ERC2: variants seen among roughly 807,000 people sequenced by gnomAD.
The protein encoded by ERC2 is ELKS/RAB6-interacting/CAST family member 2, also known as ERC protein 2.
A neutral mutation model predicts 114.8 loss-of-function variants in ERC2; 42 were observed. The observed-to-expected ratio is 0.37, with a 90% CI of 0.29 to 0.47. ERC2 has a LOEUF of 0.47. Among genes scored for constraint, ERC2 ranks in the 20% least tolerant of loss-of-function variants. The pLI is 0.99. For synonymous variants in ERC2, 454 were observed against 425.5 expected (o/e 1.07, Z -0.82); for missense variants, 939 against 1,150.7 (o/e 0.82, Z 2.66).
At chr3:55,969,571 A>C (rs1372982071) in intron 12 of ERC2, among the ~76,000 whole-genome samples, 1 of 152,220 alleles carries the variant, frequency 6.6e-6, no homozygotes, top group East Asian at 1.9e-4. Context: ...TTCCCTAAGC[A>C]GCCAGTTGAC....
chr3:56,129,624 T>C (rs1300059851), intron 6 of ERC2, among the ~76,000 whole-genome samples: 1 of 152,182 alleles, frequency 6.6e-6, no homozygotes, highest in Non-Finnish European at 1.5e-5. Context: ...CATTTACCAG[T>C]AAGTAACACT....
intron 3 of ERC2, among the ~76,000 whole-genome samples, chr3:56,223,888 T>G (rs553595129): frequency 9.9e-5 from 15 of 152,266 alleles, no homozygotes; most frequent in Non-Finnish European, 1.8e-4. Context: ...TTCTACATGT[T>G]AATTCAATCA....
intron 6 of ERC2, among the ~76,000 whole-genome samples, chr3:56,135,904 T>C (rs757732926): frequency 3.7e-4 from 56 of 152,212 alleles, no homozygotes; most frequent in Non-Finnish European, 5.4e-4. Context: ...ATGGGGTAAG[T>C]TGGTACAAAG....
intron 1 of ERC2, among the ~76,000 whole-genome samples, chr3:56,454,015 C>T (rs1422707031): frequency 6.6e-6 from 1 of 152,166 alleles, no homozygotes; most frequent in Non-Finnish European, 1.5e-5. Context: ...CATGCACCCA[C>T]CTCCTGCTAT....
At chr3:55,594,467 G>C (rs575592812) in intron 17 of ERC2, among the ~76,000 whole-genome samples, 1 of 14,410 alleles carries the variant, frequency 6.9e-5, no homozygotes, top group Non-Finnish European at 2.6e-3. Context: ...TATAGAGCAG[G>C]TAGTTTTATT....
At chr3:56,183,701 G>A (rs1223591701) in intron 3 of ERC2, among the ~76,000 whole-genome samples, 2 of 152,030 alleles carry the variant, frequency 1.3e-5, no homozygotes, top group Non-Finnish European at 2.9e-5. Flanking sequence ...CTGCCTTCAC[G>A]GAGCTTATGT....
chr3:56,270,362 A>G (rs1260306601), intron 3 of ERC2, among the ~76,000 whole-genome samples: 1 of 152,204 alleles, frequency 6.6e-6, no homozygotes, highest in African/African-American at 2.4e-5. Context: ...AAGCACATTT[A>G]TTGCCATTTT....
chr3:56,198,036 C>G (rs1231807469), intron 3 of ERC2, among the ~76,000 whole-genome samples: 1 of 152,154 alleles, frequency 6.6e-6, no homozygotes, highest in Non-Finnish European at 1.5e-5. Flanking sequence ...TTCACACACA[C>G]ACATGTTGCA....
chr3:55,729,363 T>G (rs1480255290), intron 15 of ERC2, among the ~76,000 whole-genome samples: 1 of 152,174 alleles, frequency 6.6e-6, no homozygotes, highest in Non-Finnish European at 1.5e-5. Flanking sequence ...CTTCAAGTCC[T>G]TGCTCCAATG....
intron 13 of ERC2, among the ~76,000 whole-genome samples, chr3:55,930,549 A>G (rs897234592): frequency 2.6e-5 from 4 of 152,238 alleles, no homozygotes; most frequent in African/African-American, 9.6e-5. Flanking sequence ...CGGGCTAGCC[A>G]TATGCAGAAA....
intron 3 of ERC2, among the ~76,000 whole-genome samples, chr3:56,189,241 T>A (rs1483247323): frequency 6.6e-6 from 1 of 152,230 alleles, no homozygotes; most frequent in Non-Finnish European, 1.5e-5. Flanking sequence ...TCTCCAAGTA[T>A]GGGAAGCCAG....
At chr3:55,651,597 C>G (rs2060625484) in intron 17 of ERC2, among the ~76,000 whole-genome samples, 1 of 152,128 alleles carries the variant, frequency 6.6e-6, no homozygotes, top group South Asian at 2.1e-4. Context: ...ATTGAAAAAC[C>G]TCTGAAGACT....
At chr3:55,940,773 T>G (rs1024402447) in intron 13 of ERC2, among the ~76,000 whole-genome samples, 1 of 152,218 alleles carries the variant, frequency 6.6e-6, no homozygotes, top group African/African-American at 2.4e-5. Flanking sequence ...AAGAAGCATT[T>G]AAGTCTAACT....
At chr3:56,131,445 AAC>A (rs1401042902) in intron 6 of ERC2, among the ~76,000 whole-genome samples, 1 of 152,210 alleles carries the variant, frequency 6.6e-6, no homozygotes, top group Non-Finnish European at 1.5e-5. Flanking sequence ...GGGGTAATTT[AAC>A]AGTCTTAAAA....
At chr3:56,155,726 A>G (rs2081677351) in intron 4 of ERC2, among the ~76,000 whole-genome samples, 1 of 152,180 alleles carries the variant, frequency 6.6e-6, no homozygotes, top group Non-Finnish European at 1.5e-5. Flanking sequence ...TAATATTATC[A>G]CAGAGAAGAT....
chr3:55,611,080 T>TA (rs1422981998), intron 17 of ERC2, among the ~76,000 whole-genome samples: 2 of 152,254 alleles, frequency 1.3e-5, no homozygotes, highest in Non-Finnish European at 2.9e-5. Flanking sequence ...AAGCTTCACT[T>TA]ATTTGGACAA....
chr3:55,652,600 G>A (rs1165048955), intron 17 of ERC2, among the ~76,000 whole-genome samples: 1 of 152,166 alleles, frequency 6.6e-6, no homozygotes. Flanking sequence ...TTGGCCGGGT[G>A]AGGTGGCTCA....
intron 2 of ERC2, among the ~76,000 whole-genome samples, chr3:56,359,546 G>T (rs2150553417): frequency 6.6e-6 from 1 of 152,370 alleles, no homozygotes; most frequent in Middle Eastern, 3.4e-3. Flanking sequence ...CCATTAGACA[G>T]AACAGGAAAC....
intron 3 of ERC2, among the ~76,000 whole-genome samples, chr3:56,177,257 C>T (rs149936879): frequency 1.5e-3 from 222 of 152,276 alleles, no homozygotes; most frequent in African/African-American, 4.6e-3. Context: ...GTGATTTTAA[C>T]GTGTGATTGC....
Sources: allele counts gnomAD v4.1 joint callset (sites outside exome capture counted in the v4.1 genomes callset), GRCh38; gene constraint gnomAD v4.1.1; transcripts MANE v1.5; gene names NCBI Gene and HGNC (gene_info 2026-07-23, HGNC 2026-07-21).